Variants in OR1J2 observed in about 807,000 individuals in gnomAD.
OR1J2 encodes the protein olfactory receptor 1J2.
For synonymous variants in OR1J2, 142 were observed against 99.7 expected (o/e 1.42, Z -2.52); for missense variants, 304 against 246.1 (o/e 1.24, Z -1.57).
At chr9:122,489,860 T>C in the OR1J2 span, among the ~76,000 whole-genome samples, 1 of 152,178 alleles carries the variant, frequency 6.6e-6, no homozygotes. Context: ...AGATACATGG[T>C]AAGCACAGGA....
the OR1J2 span, among the ~76,000 whole-genome samples, chr9:122,577,147 A>T: frequency 0.036 from 5,509 of 152,292 alleles, 296 homozygotes; most frequent in East Asian, 0.26. Context: ...TGTGTTATAA[A>T]CATTAAAAAT....
the OR1J2 span, chr9:122,553,069 A>T: frequency 2.5e-6 from 2 of 809,894 alleles, no homozygotes; most frequent in Middle Eastern, 2.4e-4. Flanking sequence ...AGAGATTCTT[A>T]TTGGCAAAGA....
chr9:122,489,729 C>A, the OR1J2 span, among the ~76,000 whole-genome samples: 25 of 152,160 alleles, frequency 1.6e-4, no homozygotes, highest in African/African-American at 5.8e-4. Context: ...TGTTTGTGTC[C>A]ACGTTCAATT....
the OR1J2 span, among the ~76,000 whole-genome samples, chr9:122,521,175 C>G: frequency 6.6e-6 from 1 of 152,206 alleles, no homozygotes; most frequent in Non-Finnish European, 1.5e-5. Context: ...ATAAATTGGG[C>G]TTAACACTAC....
chr9:122,487,063 G>A, the OR1J2 span, among the ~76,000 whole-genome samples: 1 of 152,036 alleles, frequency 6.6e-6, no homozygotes, highest in African/African-American at 2.4e-5. Flanking sequence ...GGCCAGTGTT[G>A]TTGTTGATAC....
chr9:122,484,048 A>C, the OR1J2 span, among the ~76,000 whole-genome samples: 1 of 150,818 alleles, frequency 6.6e-6, no homozygotes, highest in Non-Finnish European at 1.5e-5. Flanking sequence ...TCATGAAGTA[A>C]TCAATATTAG....
chr9:122,541,753 C>G, the OR1J2 span, among the ~76,000 whole-genome samples: 1 of 152,204 alleles, frequency 6.6e-6, no homozygotes, highest in African/African-American at 2.4e-5. Flanking sequence ...CCAAATTGTG[C>G]TTCCCAGCCA....
At chr9:122,463,178 G>T in the OR1J2 span, among the ~76,000 whole-genome samples, 1 of 152,042 alleles carries the variant, frequency 6.6e-6, no homozygotes, top group Admixed American at 6.5e-5. Flanking sequence ...TTGTCTTTGA[G>T]CTCTGATTTT....
chr9:122,519,351 A>G, the OR1J2 span: 4 of 1,613,920 alleles, frequency 2.5e-6, no homozygotes, highest in African/African-American at 5.3e-5. Context: ...TCTCACTGAC[A>G]TCTCCCTTTC....
the OR1J2 span, among the ~76,000 whole-genome samples, chr9:122,580,113 A>C: frequency 6.6e-6 from 1 of 152,184 alleles, no homozygotes; most frequent in South Asian, 2.1e-4. Flanking sequence ...CCGCTCCTAA[A>C]GCAAATGCCT....
At chr9:122,451,277 C>G in the OR1J2 span, among the ~76,000 whole-genome samples, 1 of 151,852 alleles carries the variant, frequency 6.6e-6, no homozygotes, top group African/African-American at 2.4e-5. Context: ...CCTACACCAC[C>G]CGGGTTCAAG....
chr9:122,476,794 C>T, the OR1J2 span, among the ~76,000 whole-genome samples: 30 of 152,288 alleles, frequency 2.0e-4, no homozygotes, highest in Admixed American at 5.9e-4. Context: ...CAACCTCCGC[C>T]TCCTGGGTTC....
At chr9:122,467,326 G>T in the OR1J2 span, among the ~76,000 whole-genome samples, 1 of 152,096 alleles carries the variant, frequency 6.6e-6, no homozygotes, top group Non-Finnish European at 1.5e-5. Flanking sequence ...CCTTTTGCTT[G>T]TTAATTCTGC....
the OR1J2 span, chr9:122,519,391 G>A: frequency 3.1e-6 from 5 of 1,614,146 alleles, no homozygotes; most frequent in East Asian, 4.5e-5. Flanking sequence ...ATGTTATTAA[G>A]CATGCAAACT....
chr9:122,447,699 C>T, the OR1J2 span, among the ~76,000 whole-genome samples: 1 of 151,954 alleles, frequency 6.6e-6, no homozygotes, highest in Non-Finnish European at 1.5e-5. Context: ...GGTTTCTTTC[C>T]TCCGCTCCTC....
the OR1J2 span, among the ~76,000 whole-genome samples, chr9:122,545,021 T>C: frequency 1.3e-5 from 2 of 152,178 alleles, no homozygotes; most frequent in African/African-American, 2.4e-5. Flanking sequence ...TTTCCAACAT[T>C]TTGGTGTTAC....
chr9:122,520,205 TAC>T, the OR1J2 span: 1 of 619,684 alleles, frequency 1.6e-6, no homozygotes, highest in Non-Finnish European at 2.7e-6. Context: ...TGCATCCTGT[TAC>T]AGTTATTCTC....
downstream of OR1J2, among the ~76,000 whole-genome samples, chr9:122,515,758 G>C (rs1171439326): frequency 6.6e-6 from 1 of 152,106 alleles, no homozygotes; most frequent in Non-Finnish European, 1.5e-5. Context: ...AGAGAGCTTT[G>C]GGTCCTTTCT....
the OR1J2 span, among the ~76,000 whole-genome samples, chr9:122,480,888 G>C: frequency 6.6e-6 from 1 of 151,946 alleles, no homozygotes; most frequent in Non-Finnish European, 1.5e-5. Context: ...TCTGCCTCCC[G>C]GGTTCAAGTG....
Sources: gnomAD v4.1 joint callset for allele counts (sites outside exome capture counted in the v4.1 genomes callset) on GRCh38, gnomAD v4.1.1 for gene constraint, MANE v1.5 for transcripts, NCBI Gene and HGNC (gene_info 2026-07-23, HGNC 2026-07-21) for gene names.